Variants in RABGAP1L observed in about 807,000 individuals in gnomAD.
RABGAP1L encodes the protein RAB GTPase activating protein 1 like, also known as rab GTPase-activating protein 1-like.
RABGAP1L carries 63 observed loss-of-function variants against 137.7 expected under a neutral mutation model. The observed-to-expected ratio is 0.46, with a 90% CI of 0.37 to 0.56. The LOEUF (loss-of-function observed/expected upper bound fraction) is 0.56. Among genes scored for constraint, RABGAP1L ranks in the 20% least tolerant of loss-of-function variants. RABGAP1L has a pLI of 0.00. For synonymous variants in RABGAP1L, 431 were observed against 433.7 expected, an observed-to-expected ratio of 0.99 and a Z score of 0.08; for missense variants, 1,095 against 1,244.0, an observed-to-expected ratio of 0.88 and a Z score of 1.80.
intron 14 of RABGAP1L, among the ~76,000 whole-genome samples, chr1:174,681,029 A>G (rs533986028): frequency 5.9e-4 from 90 of 152,360 alleles, no homozygotes; most frequent in African/African-American, 2.0e-3. Flanking sequence ...AGTCAAAACT[A>G]CAGGAATTAA....
intron 19 of RABGAP1L, among the ~76,000 whole-genome samples, chr1:174,841,834 C>A (rs1208297291): frequency 1.3e-5 from 2 of 150,896 alleles, no homozygotes; most frequent in Non-Finnish European, 3.0e-5. Context: ...ACTAGAAAAT[C>A]TAAACTATTA....
chr1:174,522,727 A>G (rs945712467), intron 13 of RABGAP1L, among the ~76,000 whole-genome samples: 5 of 152,200 alleles, frequency 3.3e-5, no homozygotes, highest in African/African-American at 1.2e-4. Flanking sequence ...GAAACCTACA[A>G]TCATGGCTGA....
chr1:174,808,918 A>G (rs1328912826), intron 18 of RABGAP1L, among the ~76,000 whole-genome samples: 1 of 152,088 alleles, frequency 6.6e-6, no homozygotes. Context: ...CGGCCTCCCA[A>G]AGTACTGGGA....
intron 18 of RABGAP1L, among the ~76,000 whole-genome samples, chr1:174,774,927 G>A (rs1686409643): frequency 6.6e-6 from 1 of 152,144 alleles, no homozygotes. Flanking sequence ...AAAAGATGGT[G>A]TATTTCTCCC....
At chr1:174,565,433 G>A (rs369093626) in intron 13 of RABGAP1L, among the ~76,000 whole-genome samples, 16 of 152,188 alleles carry the variant, frequency 1.1e-4, no homozygotes, top group African/African-American at 3.9e-4. Flanking sequence ...AGTATTCTCT[G>A]CTTTCTTGGT....
chr1:174,626,808 C>T (rs1672971533), intron 13 of RABGAP1L, among the ~76,000 whole-genome samples: 1 of 152,128 alleles, frequency 6.6e-6, no homozygotes, highest in Non-Finnish European at 1.5e-5. Context: ...GGATTTTTGG[C>T]AAACATCAAG....
chr1:174,636,075 A>T (rs1572628002), intron 13 of RABGAP1L, among the ~76,000 whole-genome samples: 1 of 152,192 alleles, frequency 6.6e-6, no homozygotes, highest in South Asian at 2.1e-4. Context: ...TGTTGCTATA[A>T]GTAGCCCCAT....
chr1:174,954,681 C>T (rs1367209291), intron 19 of RABGAP1L, among the ~76,000 whole-genome samples: 7 of 152,154 alleles, frequency 4.6e-5, no homozygotes. Flanking sequence ...AGCCTGGTGT[C>T]CAGTGGTATG....
chr1:174,883,606 A>G (rs1427840339), intron 19 of RABGAP1L, among the ~76,000 whole-genome samples: 1 of 152,206 alleles, frequency 6.6e-6, no homozygotes, highest in Non-Finnish European at 1.5e-5. Flanking sequence ...TAGAACCAAT[A>G]GAAGGGAGTA....
At chr1:174,498,335 A>G (rs1306997371) in intron 13 of RABGAP1L, among the ~76,000 whole-genome samples, 1 of 152,180 alleles carries the variant, frequency 6.6e-6, no homozygotes, top group Non-Finnish European at 1.5e-5. Flanking sequence ...AGGAATGCTA[A>G]TTAATTAAAA....
intron 14 of RABGAP1L, among the ~76,000 whole-genome samples, chr1:174,641,408 G>C (rs567765089): frequency 6.6e-6 from 1 of 152,232 alleles, no homozygotes; most frequent in African/African-American, 2.4e-5. Context: ...TTGTATGGGG[G>C]AAGTTGAGCT....
chr1:174,477,808 A>G (rs1658658320), intron 13 of RABGAP1L, among the ~76,000 whole-genome samples: 1 of 152,174 alleles, frequency 6.6e-6, no homozygotes, highest in Non-Finnish European at 1.5e-5. Context: ...CTGTATCTAC[A>G]TTAAGAAGAT....
At chr1:174,563,392 A>G (rs1322376149) in intron 13 of RABGAP1L, among the ~76,000 whole-genome samples, 1 of 152,230 alleles carries the variant, frequency 6.6e-6, no homozygotes, top group African/African-American at 2.4e-5. Flanking sequence ...TAATTAAAAG[A>G]GCAGAAACTT....
At chr1:174,493,718 G>A (rs967876487) in intron 13 of RABGAP1L, among the ~76,000 whole-genome samples, 1 of 151,402 alleles carries the variant, frequency 6.6e-6, no homozygotes, top group Non-Finnish European at 1.5e-5. Flanking sequence ...CTACTTGGGA[G>A]GCTGAGGTGG....
chr1:174,353,089 G>A (rs868331772), intron 11 of RABGAP1L, among the ~76,000 whole-genome samples: 1 of 152,122 alleles, frequency 6.6e-6, no homozygotes, highest in Non-Finnish European at 1.5e-5. Context: ...GGCTACTGCT[G>A]ATGTTTATTT....
At chr1:174,178,373 G>T (rs1308053046) in intron 1 of RABGAP1L, among the ~76,000 whole-genome samples, 1 of 152,124 alleles carries the variant, frequency 6.6e-6, no homozygotes, top group Admixed American at 6.5e-5. Flanking sequence ...TTTGGGCTGA[G>T]ATGGGTGGTG....
intron 13 of RABGAP1L, among the ~76,000 whole-genome samples, chr1:174,538,680 T>C (rs1665096844): frequency 6.6e-6 from 1 of 152,216 alleles, no homozygotes; most frequent in South Asian, 2.1e-4. Flanking sequence ...TTCAAAGAAC[T>C]ACTTTGAATT....
intron 15 of RABGAP1L, among the ~76,000 whole-genome samples, chr1:174,685,885 T>A (rs1678422631): frequency 6.6e-6 from 1 of 152,136 alleles, no homozygotes; most frequent in Non-Finnish European, 1.5e-5. Context: ...TTTCTAATTA[T>A]TTGAGTTCAG....
At chr1:174,541,572 C>T (rs12354111) in intron 13 of RABGAP1L, among the ~76,000 whole-genome samples, 4,361 of 152,220 alleles carry the variant, frequency 0.029, 216 homozygotes, top group African/African-American at 0.094. Flanking sequence ...GTCAGGAGAT[C>T]GAGACCATCC....
Sources: gnomAD v4.1 joint callset for allele counts (sites outside exome capture counted in the v4.1 genomes callset) on GRCh38, gnomAD v4.1.1 for gene constraint, MANE v1.5 for transcripts, NCBI Gene and HGNC (gene_info 2026-07-23, HGNC 2026-07-21) for gene names.